FTO: variants seen among roughly 807,000 people sequenced by gnomAD.
The protein encoded by FTO is FTO alpha-ketoglutarate dependent dioxygenase.
A neutral mutation model predicts 63.9 loss-of-function variants in FTO; 47 were observed. That is an observed-to-expected ratio of 0.74 (90% CI 0.58 to 0.94). The LOEUF (loss-of-function observed/expected upper bound fraction) is 0.94. FTO is among the 40% of genes least tolerant of loss of function. The pLI is 0.00. For synonymous variants in FTO, 207 were observed against 224.4 expected (o/e 0.92, Z 0.69); for missense variants, 562 against 618.1 (o/e 0.91, Z 0.96).
At chr16:53,774,856 G>T (rs1370130123) in intron 1 of FTO, among the ~76,000 whole-genome samples, 6 of 152,136 alleles carry the variant, frequency 3.9e-5, no homozygotes, top group Non-Finnish European at 8.8e-5. Flanking sequence ...TTGTAGTTGG[G>T]ATCAGGAAGG....
At chr16:53,821,814 A>G (rs1443345346) in intron 2 of FTO, among the ~76,000 whole-genome samples, 1 of 152,206 alleles carries the variant, frequency 6.6e-6, no homozygotes, top group African/African-American at 2.4e-5. Flanking sequence ...AGATTATGCT[A>G]TAGTAACTGA....
chr16:54,000,921 C>G (rs909354287), intron 8 of FTO, among the ~76,000 whole-genome samples: 5 of 152,134 alleles, frequency 3.3e-5, no homozygotes, highest in African/African-American at 1.2e-4. Context: ...CTGGGACCTG[C>G]CATTCATCAG....
rs567681595 is a variant in FTO at position 53,832,583 on chromosome 16, G to A, written c.751+6092G>A. Among the ~76,000 whole-genome samples, 4 of 152,190 alleles carry A rather than the reference G, an allele frequency of 2.6e-5. No individual in the cohort carries two copies. In the South Asian group the frequency reaches 8.3e-4, roughly 32 times the overall value. On this transcript the variant is annotated intron_variant, in intron 3 of 8. Coordinates refer to ENST00000471389, the MANE Select transcript of FTO (RefSeq NM_001080432.3). ...GGATTTGTTTTCTGTCACTAGATGAGTTGGCATTTTCTAGAATTTTAACCA... is the reference window on the plus strand; with the variant it reads ...GGATTTGTTTTCTGTCACTAGATGAATTGGCATTTTCTAGAATTTTAACCA...
intron 4 of FTO, among the ~76,000 whole-genome samples, chr16:53,845,499 T>C (rs1381599952): frequency 2.6e-5 from 4 of 152,250 alleles, no homozygotes; most frequent in Non-Finnish European, 5.9e-5. Flanking sequence ...GCCTATGAAC[T>C]TCAAGGTTTT....
rs966782952 is a variant in FTO at position 53,831,824 on chromosome 16, A to G, written c.751+5333A>G. On this transcript the variant is annotated intron_variant, in intron 3 of 8. Transcript: ENST00000471389. ...AGATAGAACATGATTGGGATGTTTC[A>G]GAAGCAACAAGTGTGGATGGAATAG... 1.2e-4 allele frequency among the ~76,000 whole-genome samples: 18 copies of G among 152,190 alleles called. 1 individual carries two copies. The highest frequency in any genetic ancestry group is 3.3e-4 in the Admixed American group (5 of 15,276).
At position 53,888,875 on chromosome 16, in the gene FTO, G is replaced by T; in HGVS notation, c.1163G>T (p.Arg388Leu). 1.2e-6 allele frequency: 2 copies of T among 1,613,966 alleles called. No homozygotes were observed. Among genetic ancestry groups the T allele is most frequent in the Middle Eastern group, 3.3e-4 (2 of 6,062 alleles). Reference protein sequence around the residue: ...WLRQFWFQGNRYRKCTDWWCQ... With the variant: ...WLRQFWFQGNLYRKCTDWWCQ... ...AGGCAGTTTTGGTTTCAAGGCAATCGATACAGAAAGTGCACTGACTGGTGG... is the reference window on the plus strand; with the variant it reads ...AGGCAGTTTTGGTTTCAAGGCAATCTATACAGAAAGTGCACTGACTGGTGG... Residue 388 changes from arginine (R) to leucine (L), a missense_variant, in exon 7 of 9, where the codon CGA (arginine) becomes CTA (leucine). By Grantham distance (102) the Arg-to-Leu change is moderately radical. Transcript: ENST00000471389.
chr16:53,864,806 G>A (rs1204885766), intron 4 of FTO, among the ~76,000 whole-genome samples: 1 of 152,182 alleles, frequency 6.6e-6, no homozygotes, highest in African/African-American at 2.4e-5. Flanking sequence ...TGAAGCTTGT[G>A]TCGCTTTTAT....
intron 8 of FTO, among the ~76,000 whole-genome samples, chr16:53,941,368 A>AAACC (rs1428379894): frequency 6.6e-6 from 1 of 152,250 alleles, no homozygotes; most frequent in African/African-American, 2.4e-5. Context: ...AGGCACTGTG[A>AAACC]AACCATAAGG....
chr16:53,736,927 A>G (rs941594475), intron 1 of FTO, among the ~76,000 whole-genome samples: 3 of 152,032 alleles, frequency 2.0e-5, no homozygotes, highest in African/African-American at 7.2e-5. Context: ...ATGTGGGGGA[A>G]CTCCTTTTTA....
intron 2 of FTO, among the ~76,000 whole-genome samples, chr16:53,815,624 A>G (rs2078653435): frequency 1.7e-5 from 2 of 119,818 alleles, no homozygotes. Context: ...CTATAAGGCC[A>G]TTGACTTTCT....
At chr16:54,111,724 T>A (rs776561142) in intron 8 of FTO, 38 bp from the exon 9 acceptor site, 1 of 1,613,580 alleles carries the variant, frequency 6.2e-7, no homozygotes, top group South Asian at 1.1e-5. Flanking sequence ...TCTGGGGGTT[T>A]CCTCCCGTGG....
At chr16:53,976,843 G>GT (rs1231958434) in intron 8 of FTO, among the ~76,000 whole-genome samples, 3 of 152,010 alleles carry the variant, frequency 2.0e-5, no homozygotes, top group Admixed American at 2.0e-4. Flanking sequence ...TAGCTGTTGA[G>GT]TTTTTGCATT....
chr16:54,022,008 G>C (rs1322610739), intron 8 of FTO, among the ~76,000 whole-genome samples: 1 of 151,968 alleles, frequency 6.6e-6, no homozygotes, highest in Non-Finnish European at 1.5e-5. Flanking sequence ...ATTTTTTCAA[G>C]AAAAATTTTA....
chr16:53,909,314 T>G (rs996376127), intron 7 of FTO, among the ~76,000 whole-genome samples: 2 of 152,168 alleles, frequency 1.3e-5, no homozygotes, highest in Non-Finnish European at 2.9e-5. Flanking sequence ...TGTTAGCACA[T>G]GTAACAGACA....
chr16:53,983,785 G>T (rs1195565495), intron 8 of FTO, among the ~76,000 whole-genome samples: 16 of 152,208 alleles, frequency 1.1e-4, no homozygotes, highest in African/African-American at 3.9e-4. Context: ...CCAGCCAGCT[G>T]CTGCCATGAG....
At chr16:53,807,127 T>A (rs1418485433) in intron 1 of FTO, among the ~76,000 whole-genome samples, 1 of 152,248 alleles carries the variant, frequency 6.6e-6, no homozygotes, top group Non-Finnish European at 1.5e-5. Context: ...ATATTGTTAT[T>A]TAATACTTGA....
At chr16:53,865,697 A>G (rs992094705) in intron 4 of FTO, among the ~76,000 whole-genome samples, 3 of 152,236 alleles carry the variant, frequency 2.0e-5, no homozygotes, top group East Asian at 1.9e-4. Context: ...TAACTCCTGC[A>G]TGACTTACTG....
At chr16:53,717,142 A>T (rs927568647) in intron 1 of FTO, among the ~76,000 whole-genome samples, 2 of 151,862 alleles carry the variant, frequency 1.3e-5, no homozygotes, top group African/African-American at 4.8e-5. Flanking sequence ...GGAATGTTTC[A>T]TAGGGTAAAT....
chr16:53,711,137 G>T (rs1304078347), intron 1 of FTO, among the ~76,000 whole-genome samples: 2 of 151,804 alleles, frequency 1.3e-5, no homozygotes, highest in Non-Finnish European at 2.9e-5. Flanking sequence ...CTGCCTATCT[G>T]ACCCCAGTAG....
Sources: allele counts gnomAD v4.1 joint callset (sites outside exome capture counted in the v4.1 genomes callset), GRCh38; gene constraint gnomAD v4.1.1; transcripts MANE v1.5; gene names NCBI Gene and HGNC (gene_info 2026-07-23, HGNC 2026-07-21).